The following PAPPA2 variants were observed in gnomAD, a reference collection of about 807,000 sequenced individuals.
The protein encoded by PAPPA2 is pappalysin 2.
Under a neutral mutation model 176.4 loss-of-function variants are expected in PAPPA2, and 86 were observed. The observed-to-expected ratio is 0.49, with a 90% CI of 0.41 to 0.58. The LOEUF is 0.58. PAPPA2 is among the 20% of genes least tolerant of loss of function. PAPPA2 has a pLI of 0.00. For missense variants in PAPPA2, 2,073 were observed against 2,256.9 expected (o/e 0.92, Z 1.65); for synonymous variants, 809 against 852.2 (o/e 0.95, Z 0.88).
chr1:176,828,863 C>T (rs904716808), intron 21 of PAPPA2, among the ~76,000 whole-genome samples: 4 of 151,810 alleles, frequency 2.6e-5, no homozygotes, highest in South Asian at 2.1e-4. Context: ...ATTAGCTGGG[C>T]GTGGTGGTGG....
chr1:176,755,015 C>G (rs1322170963), intron 14 of PAPPA2, among the ~76,000 whole-genome samples: 1 of 152,174 alleles, frequency 6.6e-6, no homozygotes, highest in African/African-American at 2.4e-5. Context: ...ACAGTCTCTT[C>G]CCTTCCTCAA....
chr1:176,516,717 C>T (rs1648935451), intron 1 of PAPPA2, among the ~76,000 whole-genome samples: 1 of 152,200 alleles, frequency 6.6e-6, no homozygotes, highest in Non-Finnish European at 1.5e-5. Flanking sequence ...TACACCAAAA[C>T]TATAAGAAAG....
At chr1:176,466,153 A>T (rs994839728) in intron 1 of PAPPA2, among the ~76,000 whole-genome samples, 1 of 152,134 alleles carries the variant, frequency 6.6e-6, no homozygotes, top group African/African-American at 2.4e-5. Context: ...ATTATTTTCT[A>T]TATAAAAACT....
intron 1 of PAPPA2, among the ~76,000 whole-genome samples, chr1:176,487,689 G>T (rs1178251647): frequency 6.9e-6 from 1 of 143,982 alleles, no homozygotes; most frequent in African/African-American, 2.8e-5. Context: ...CAAGGGCCTG[G>T]TCTAGGACCT....
At position 176,842,472 on chromosome 1, in the gene PAPPA2, T is replaced by A. The variant is rs762715673; in HGVS notation, c.*18T>A. The A allele has an allele frequency of 1.3e-5, 21 of 1,606,210 alleles. No individual in the cohort carries two copies. The highest frequency in any genetic ancestry group is 1.8e-5 in the Non-Finnish European group (21 of 1,173,828). On this transcript the variant is annotated 3_prime_UTR_variant, in exon 23 of 23. Transcript: ENST00000367662. Reference sequence around the variant, plus strand: ...ATCAGTAACTGTGGGAACAAGCCCCTCCCTCCACTGCCTCAGAGGCAGTAA... The same window carrying A: ...ATCAGTAACTGTGGGAACAAGCCCCACCCTCCACTGCCTCAGAGGCAGTAA...
intron 21 of PAPPA2, among the ~76,000 whole-genome samples, chr1:176,816,990 T>C (rs1666431048): frequency 6.6e-6 from 1 of 152,152 alleles, no homozygotes; most frequent in African/African-American, 2.4e-5. Context: ...GAATGAATCA[T>C]GTTAGATCCT....
intron 1 of PAPPA2, among the ~76,000 whole-genome samples, chr1:176,534,675 T>G (rs527331098): frequency 1.3e-5 from 2 of 152,340 alleles, no homozygotes; most frequent in South Asian, 4.1e-4. Context: ...AGGTGTGTGC[T>G]TGAGAGAAGC....
intron 1 of PAPPA2, among the ~76,000 whole-genome samples, chr1:176,523,189 T>A (rs1649298470): frequency 6.6e-6 from 1 of 152,208 alleles, no homozygotes; most frequent in Non-Finnish European, 1.5e-5. Flanking sequence ...CTAGCATCTT[T>A]TTGTGAAGTC....
intron 1 of PAPPA2, among the ~76,000 whole-genome samples, chr1:176,535,974 C>T (rs908569647): frequency 3.3e-5 from 5 of 152,194 alleles, no homozygotes; most frequent in African/African-American, 1.2e-4. Flanking sequence ...TAGAACCTCA[C>T]ACTGTAACGT....
chr1:176,635,607 GT>G (rs746618652), intron 3 of PAPPA2, among the ~76,000 whole-genome samples: 4 of 151,930 alleles, frequency 2.6e-5, no homozygotes, highest in Non-Finnish European at 4.4e-5. Context: ...CCCAATATTT[GT>G]TTTCTCCTCT....
intron 1 of PAPPA2, among the ~76,000 whole-genome samples, chr1:176,493,522 G>C (rs1419165277): frequency 6.6e-6 from 1 of 152,142 alleles, no homozygotes; most frequent in African/African-American, 2.4e-5. Context: ...CTCACCCCCA[G>C]TCACAGGCAA....
At chr1:176,561,775 C>T (rs1651688805) in intron 2 of PAPPA2, among the ~76,000 whole-genome samples, 1 of 152,124 alleles carries the variant, frequency 6.6e-6, no homozygotes, top group South Asian at 2.1e-4. Flanking sequence ...CTGTATTAGT[C>T]TGTTCTCAAG....
intron 3 of PAPPA2, among the ~76,000 whole-genome samples, chr1:176,657,366 T>C (rs1215487805): frequency 6.6e-6 from 1 of 151,978 alleles, no homozygotes; most frequent in Non-Finnish European, 1.5e-5. Context: ...GAGAGGTTAC[T>C]AGCAGCCAGA....
chr1:176,699,573 A>G lies in PAPPA2; in HGVS notation c.3220A>G (p.Arg1074Gly). The G allele has an allele frequency of 1.2e-6, 2 of 1,605,002 alleles. No homozygotes were observed. The highest frequency in any genetic ancestry group is 2.2e-5 in the South Asian group (2 of 90,668). The part of the protein sequence containing the change: ...GLPVVVTHSH[R>G]KFTDVEVTPG... ...GCCCGTGGTGGTGACACATTCTCACAGGAAGTTCACGGACGTGTGAGTTTG... is the reference window on the plus strand; with the variant it reads ...GCCCGTGGTGGTGACACATTCTCACGGGAAGTTCACGGACGTGTGAGTTTG... The change falls in exon 8 of 23, where the codon AGG becomes GGG. Residue 1074 changes from arginine (R) to glycine (G), a missense_variant. Around this residue, in one of 4 missense-constraint regions of PAPPA2, gnomAD observed 846 missense variants for 857.9 expected, o/e 0.99. Transcript: ENST00000367662.
rs541841772 is a variant in PAPPA2, at chr1:176,716,068, A to G, written c.3798+4087A>G. Among the ~76,000 whole-genome samples the G allele has an allele frequency of 8.5e-4, 129 of 151,742 alleles. 1 individual carries two copies. The highest frequency in any genetic ancestry group is 4.4e-3 in the South Asian group (21 of 4,808). On this transcript the variant is annotated intron_variant, in intron 12 of 22. Transcript: ENST00000367662. ...ATCTATGAACAAACTACCCGATAAC[A>G]CAAATACAATGAGGGTACTGGCCCC... is the stretch of plus-strand genomic sequence containing the variant.
intron 3 of PAPPA2, among the ~76,000 whole-genome samples, chr1:176,652,018 A>T (rs1657753293): frequency 6.6e-6 from 1 of 150,642 alleles, no homozygotes; most frequent in Non-Finnish European, 1.5e-5. Context: ...CTCTTTGTTA[A>T]TTTTTTCTGA....
At chr1:176,752,510 G>A (rs569804949) in intron 14 of PAPPA2, among the ~76,000 whole-genome samples, 5 of 152,118 alleles carry the variant, frequency 3.3e-5, no homozygotes, top group Non-Finnish European at 7.3e-5. Flanking sequence ...AGAGTACCAA[G>A]TAATTTTCAA....
At chr1:176,480,385 T>C (rs529432511) in intron 1 of PAPPA2, among the ~76,000 whole-genome samples, 1 of 152,280 alleles carries the variant, frequency 6.6e-6, no homozygotes, top group African/African-American at 2.4e-5. Context: ...GCAGGCCTGA[T>C]TCCAGTCCTG....
chr1:176,584,657 A>G (rs1433742745), intron 2 of PAPPA2, among the ~76,000 whole-genome samples: 3 of 141,982 alleles, frequency 2.1e-5, no homozygotes, highest in Non-Finnish European at 4.6e-5. Flanking sequence ...TATATTCTTT[A>G]TTTCTTACTT....
Sources: allele counts gnomAD v4.1 joint callset (sites outside exome capture counted in the v4.1 genomes callset), GRCh38; gene constraint gnomAD v4.1.1; regional missense constraint gnomAD v4.1.1; transcripts MANE v1.5; gene names NCBI Gene and HGNC (gene_info 2026-07-23, HGNC 2026-07-21).